Variants in SEC24B observed in about 807,000 individuals in gnomAD.
SEC24B encodes the protein protein transport protein Sec24B.
SEC24B carries 45 observed loss-of-function variants against 142.8 expected under a neutral mutation model. The ratio of observed to expected loss-of-function variants is 0.32; its 90% CI spans 0.25 to 0.40. The LOEUF is 0.40. Among genes scored for constraint, SEC24B ranks in the 10% least tolerant of loss-of-function variants. The probability of loss-of-function intolerance (pLI) is 1.00; values close to 1 mark genes in which losing one functional copy is unlikely to be tolerated. For missense variants in SEC24B, 1,409 were observed against 1,526.8 expected (o/e 0.92, Z 1.29); for synonymous variants, 574 against 568.2 (o/e 1.01, Z -0.15).
chr4:109,529,175 A>G (rs940524722), intron 18 of SEC24B, among the ~76,000 whole-genome samples: 6 of 152,090 alleles, frequency 3.9e-5, no homozygotes, highest in African/African-American at 7.2e-5. Context: ...GGGTGGGGGG[A>G]AAAAGAAGAA....
intron 6 of SEC24B, among the ~76,000 whole-genome samples, chr4:109,495,438 G>A (rs1735444675): frequency 6.6e-6 from 1 of 152,160 alleles, no homozygotes. Context: ...AGACACACAC[G>A]TGGAGTTTAT....
intron 1 of SEC24B, among the ~76,000 whole-genome samples, chr4:109,435,886 G>A (rs919108333): frequency 1.3e-5 from 2 of 152,168 alleles, no homozygotes; most frequent in South Asian, 2.1e-4. Context: ...ACAGGTTGGG[G>A]TGGGAGGGAA....
chr4:109,434,574 A>G (rs924652981), intron 1 of SEC24B, among the ~76,000 whole-genome samples: 4 of 152,184 alleles, frequency 2.6e-5, no homozygotes, highest in Admixed American at 2.0e-4. Flanking sequence ...TTTGTAGACA[A>G]AAGGGTGTAA....
intron 2 of SEC24B, among the ~76,000 whole-genome samples, chr4:109,468,981 C>G (rs1358811946): frequency 1.3e-5 from 2 of 152,016 alleles, no homozygotes; most frequent in Non-Finnish European, 2.9e-5. Flanking sequence ...AAGTAACTAA[C>G]AGGGAACTAA....
chr4:109,453,506 C>T (rs1730345296), intron 1 of SEC24B, among the ~76,000 whole-genome samples: 1 of 123,050 alleles, frequency 8.1e-6, no homozygotes, highest in Admixed American at 1.1e-4. Context: ...AAGAATTCAG[C>T]GATATTTCTC....
rs1383646006 is a variant in SEC24B, at chr4:109,526,325, T to C, written c.2891T>C (p.Leu964Ser). 1.9e-6 allele frequency: 3 copies of C among 1,614,030 alleles called. No individual in the cohort carries two copies. Among genetic ancestry groups the C allele is most frequent in the Non-Finnish European group, 2.5e-6 (3 of 1,179,924 alleles). The change falls in exon 17 of 24, where the codon TTG (leucine) becomes TCG (serine). Residue 964 changes from leucine to serine, a missense_variant. Physicochemically the swap from Leu to Ser is moderately radical, Grantham distance 145. This residue lies in a region of SEC24B where 700 missense variants were observed against 853.3 expected (regional missense o/e 0.82). Coordinates refer to ENST00000265175, the MANE Select transcript of SEC24B (RefSeq NM_006323.5). ...CCTGATGCTGGATTTGCGGTGCAGT[T>C]GTCAATTGAAGAAAGTTTAACAGAT... is the stretch of plus-strand genomic sequence containing the variant. ...INPDAGFAVQ[L>S]SIEESLTDTS...
Position 109,463,538 on chromosome 4 carries a change from C to T in SEC24B, c.771C>T (p.Tyr257=). The change falls in exon 2 of 24, where the codon TAC becomes TAT. Residue 257 remains tyrosine (Y), a synonymous_variant. Transcript: ENST00000265175. ...QHHQQQSLSG[Y]STLTWSSPGL... ...ACCAGCAGCAAAGTCTTTCAGGATA[C>T]AGTACTCTAACGTGGTCATCTCCAG... 1 of 1,614,160 alleles carries T rather than the reference C, an allele frequency of 6.2e-7. No homozygotes were observed. Among genetic ancestry groups the T allele is most frequent in the Non-Finnish European group, 8.5e-7 (1 of 1,180,026 alleles).
rs70949081 is a variant in SEC24B, at chr4:109,456,334, G to GTTTTT, written c.134-6552_134-6548dup. On this transcript the variant is annotated intron_variant, in intron 1 of 23. Coordinates refer to ENST00000265175, the MANE Select transcript of SEC24B (RefSeq NM_006323.5). Reference sequence around the variant, plus strand: ...CTGCAAATAAAGACAGGTTTTTTTTGTTTTTTTTTTTTTTTTTTTACTCCT... The same window carrying GTTTTT: ...CTGCAAATAAAGACAGGTTTTTTTTGTTTTTTTTTTTTTTTTTTTTTTTTACTCCT... Among the ~76,000 whole-genome samples the GTTTTT allele has an allele frequency of 1.8e-3, 172 of 94,138 alleles. 1 individual carries two copies. The highest frequency in any genetic ancestry group is 4.0e-3 in the South Asian group (11 of 2,734). 61.8% of individuals were successfully genotyped at this position (94,138 alleles called of 152,430 possible). A position where few individuals can be genotyped will look rare whatever the true frequency, so the allele number is the denominator to read the frequency against.
rs1473998311 is a variant in SEC24B at position 109,481,684 on chromosome 4, G to A, written c.1068G>A (p.Gln356=). 5 of 1,611,876 alleles carry A rather than the reference G, an allele frequency of 3.1e-6. No individual in the cohort carries two copies. The highest frequency in any genetic ancestry group is 1.7e-4 in the Middle Eastern group (1 of 6,056). ...GTGCTTTCCACTTTACAGGCGTGCAGTATGGTGAATATGTTAATAACCAAG... is the reference window on the plus strand; with the variant it reads ...GTGCTTTCCACTTTACAGGCGTGCAATATGGTGAATATGTTAATAACCAAG... ...PSELLQQKGV[Q]YGEYVNNQAS... is the part of the protein sequence containing the mutation. The change falls in exon 4 of 24, where the codon CAG becomes CAA. Residue 356 remains glutamine (Q), a synonymous_variant. Coordinates refer to ENST00000265175, the MANE Select transcript of SEC24B (RefSeq NM_006323.5).
chr4:109,501,893 C>T (rs1736192752), intron 6 of SEC24B, among the ~76,000 whole-genome samples: 1 of 152,212 alleles, frequency 6.6e-6, no homozygotes, highest in Non-Finnish European at 1.5e-5. Context: ...CCAAACAGTT[C>T]CTGCTCTTAA....
Position 109,538,611 on chromosome 4 carries a change from A to G in SEC24B, c.3692+15A>G. On this transcript the variant is annotated intron_variant, in intron 23 of 23. Coordinates refer to ENST00000265175, the MANE Select transcript of SEC24B (RefSeq NM_006323.5). ...CACATAGTAAAGTAAGTACTTTTGT[A>G]ACTTAATTATGAAGTTGTCTTTCCT... 4.0e-6 allele frequency: 6 copies of G among 1,496,502 alleles called. No individual in the cohort carries two copies. Among genetic ancestry groups the G allele is most frequent in the Non-Finnish European group, 5.6e-6 (6 of 1,073,388 alleles). The allele number at this position is 1,496,502 out of a possible 1,614,324, so 92.7% of individuals were successfully genotyped here.
At position 109,521,630 on chromosome 4, in the gene SEC24B, T is replaced by C. The variant is rs1723622670; in HGVS notation, c.2508+4T>C. On this transcript the variant is annotated splice_donor_region_variant and intron_variant, in intron 14 of 23. Coordinates refer to ENST00000265175, the MANE Select transcript of SEC24B (RefSeq NM_006323.5). ...TAATCAGAGATCAAGTACAAAGGTATTTTATGTTTAGTTTTTTGTCATATT... is the reference window on the plus strand; with the variant it reads ...TAATCAGAGATCAAGTACAAAGGTACTTTATGTTTAGTTTTTTGTCATATT... The C allele has an allele frequency of 1.3e-6, 2 of 1,594,260 alleles. No homozygotes were observed. Among genetic ancestry groups the C allele is most frequent in the Middle Eastern group, 1.8e-4 (1 of 5,678 alleles).
rs1256261571 is a variant in SEC24B, at chr4:109,532,692, G to A, written c.3444G>A (p.Leu1148=). 6.2e-7 allele frequency: 1 copy of A among 1,613,108 alleles called. No homozygotes were observed. Among genetic ancestry groups the A allele is most frequent in the South Asian group, 1.1e-5 (1 of 91,050 alleles). The change falls in exon 21 of 24, where the codon TTG becomes TTA. Residue 1148 remains leucine, a synonymous_variant. Transcript: ENST00000265175. ...RIVPQPPLQK[L]SAEKLTREGA... ...TACCACAGCCACCTCTTCAAAAATT[G>A]TCTGCAGAGAAGCTGACAAGAGAAG...
chr4:109,496,416 G>C (rs1486306447), intron 6 of SEC24B, among the ~76,000 whole-genome samples: 1 of 152,062 alleles, frequency 6.6e-6, no homozygotes, highest in African/African-American at 2.4e-5. Context: ...CTCCTGGCCA[G>C]GAAACAATTT....
intron 14 of SEC24B, among the ~76,000 whole-genome samples, chr4:109,522,626 T>C (rs1298454512): frequency 6.6e-6 from 1 of 152,232 alleles, no homozygotes; most frequent in African/African-American, 2.4e-5. Context: ...TTTTTAATTA[T>C]GAAGATAACA....
chr4:109,486,717 A>G (rs1035539242), intron 4 of SEC24B, among the ~76,000 whole-genome samples: 2 of 152,238 alleles, frequency 1.3e-5, no homozygotes, highest in African/African-American at 2.4e-5. Context: ...TGGGACAAGT[A>G]CCAAAGCCAT....
chr4:109,438,610 T>G (rs1728637381), intron 1 of SEC24B, among the ~76,000 whole-genome samples: 1 of 152,248 alleles, frequency 6.6e-6, no homozygotes. Flanking sequence ...CTCTTTCTGT[T>G]AACAGACTCT....
intron 1 of SEC24B, among the ~76,000 whole-genome samples, chr4:109,434,464 C>T (rs1373563696): frequency 6.6e-6 from 1 of 152,202 alleles, no homozygotes; most frequent in Non-Finnish European, 1.5e-5. Context: ...TGCAGCCACC[C>T]AGCAGGGTGG....
chr4:109,490,974 G>A (rs1239868507), intron 4 of SEC24B, among the ~76,000 whole-genome samples: 1 of 152,012 alleles, frequency 6.6e-6, no homozygotes. Flanking sequence ...TAGTATATTT[G>A]GTAGATGTAA....
Sources: allele counts gnomAD v4.1 joint callset (sites outside exome capture counted in the v4.1 genomes callset), GRCh38; gene constraint gnomAD v4.1.1; regional missense constraint gnomAD v4.1.1; transcripts MANE v1.5; gene names NCBI Gene and HGNC (gene_info 2026-07-23, HGNC 2026-07-21).